KIAA1549L: variants seen among roughly 807,000 people sequenced by gnomAD.
KIAA1549L encodes KIAA1549 like.
In KIAA1549L, 88 loss-of-function variants were observed where a neutral mutation model predicts 160.7. That is an observed-to-expected ratio of 0.55 (90% CI 0.46 to 0.65). The LOEUF (loss-of-function observed/expected upper bound fraction) is 0.65. Ranked by LOEUF, KIAA1549L falls within the 30% of genes least tolerant of loss-of-function variation. The pLI is 0.00. For missense variants in KIAA1549L, 2,258 were observed against 2,437.5 expected, an observed-to-expected ratio of 0.93 and a Z score of 1.55; for synonymous variants, 950 against 976.7, an observed-to-expected ratio of 0.97 and a Z score of 0.51.
chr11:33,570,131 A>G (rs991606699), intron 9 of KIAA1549L, among the ~76,000 whole-genome samples: 3 of 151,688 alleles, frequency 2.0e-5, no homozygotes, highest in Admixed American at 1.3e-4. Flanking sequence ...AGCCTCCCGA[A>G]TAGCTGGGAT....
At chr11:33,436,491 C>A (rs1325084786) in intron 1 of KIAA1549L, among the ~76,000 whole-genome samples, 1 of 152,218 alleles carries the variant, frequency 6.6e-6, no homozygotes, top group Non-Finnish European at 1.5e-5. Context: ...TGGGGGAGGG[C>A]AGTCTGCTTT....
In KIAA1549L at chr11:33,432,611, AT is replaced by A. The variant is rs548141696; in HGVS notation, c.238+55723del. Among the ~76,000 whole-genome samples, 9 of 152,290 alleles carry A rather than the reference AT, an allele frequency of 5.9e-5. No homozygotes were observed. In the South Asian group the frequency reaches 1.9e-3, roughly 32 times the overall value. ...CATGATCTAAACTGAAGACAAAAAT[AT>A]GGGCATTCTTCAAGACAATTCTAAG... On this transcript the variant is annotated intron_variant, in intron 1 of 20. Coordinates refer to ENST00000658780, the MANE Select transcript of KIAA1549L (RefSeq NM_012194.3).
chr11:33,431,745 C>T (rs1851248649), intron 1 of KIAA1549L, among the ~76,000 whole-genome samples: 1 of 152,256 alleles, frequency 6.6e-6, no homozygotes, highest in South Asian at 2.1e-4. Flanking sequence ...TGTGCACCTG[C>T]ACTTCTCAGC....
chr11:33,499,550 G>C (rs763290695), intron 1 of KIAA1549L, among the ~76,000 whole-genome samples: 9 of 152,182 alleles, frequency 5.9e-5, no homozygotes, highest in Non-Finnish European at 1.3e-4. Flanking sequence ...TGGGTGAATA[G>C]AATGGTATAT....
intron 1 of KIAA1549L, among the ~76,000 whole-genome samples, chr11:33,475,695 C>CAAA (rs11376263): frequency 0.024 from 3,327 of 139,590 alleles, 123 homozygotes; most frequent in African/African-American, 0.082. Context: ...CTCGCTCTCT[C>CAAA]AAAAAAAAAA....
intron 11 of KIAA1549L, among the ~76,000 whole-genome samples, chr11:33,586,522 C>T (rs1479435543): frequency 2.0e-5 from 3 of 152,128 alleles, no homozygotes. Context: ...GATGTACAGC[C>T]ATTTTTCTAG....
intron 1 of KIAA1549L, among the ~76,000 whole-genome samples, chr11:33,512,646 C>G (rs1434867097): frequency 6.6e-6 from 1 of 152,138 alleles, no homozygotes; most frequent in African/African-American, 2.4e-5. Flanking sequence ...GTCTCCAACT[C>G]CTGGGCTCAA....
chr11:33,407,081 A>ATTTTTTTTTTT (rs750670251), intron 1 of KIAA1549L, among the ~76,000 whole-genome samples: 1 of 100,134 alleles, frequency 1.0e-5, no homozygotes, highest in East Asian at 3.2e-4. Context: ...TTCTTTTTTC[A>ATTTTTTTTTTT]TTTTTTTTTT....
At chr11:33,404,388 G>A (rs1240178401) in intron 1 of KIAA1549L, among the ~76,000 whole-genome samples, 3 of 152,058 alleles carry the variant, frequency 2.0e-5, no homozygotes, top group African/African-American at 7.2e-5. Flanking sequence ...GCCAGGCGTG[G>A]TGGCAGGCGC....
chr11:33,490,649 T>C (rs145810858), intron 1 of KIAA1549L, among the ~76,000 whole-genome samples: 85 of 152,274 alleles, frequency 5.6e-4, no homozygotes, highest in African/African-American at 2.0e-3. Context: ...TACATCCCTA[T>C]AAATTAAAAC....
chr11:33,496,066 A>G lies in KIAA1549L; in HGVS notation c.239-45736A>G, dbSNP rs1364978113. Among the ~76,000 whole-genome samples, 11 of 152,268 alleles carry G rather than the reference A, an allele frequency of 7.2e-5. No homozygotes were observed. The East Asian group carries it at 2.1e-3, about 29-fold the overall frequency. Reference sequence around the variant, plus strand: ...CAACCTCTGCCTCCTGGGTTCAAGCAGTTATCCCTGCCTCAGCCTCCCGAG... The same window carrying G: ...CAACCTCTGCCTCCTGGGTTCAAGCGGTTATCCCTGCCTCAGCCTCCCGAG... On this transcript the variant is annotated intron_variant, in intron 1 of 20. Transcript: ENST00000658780.
chr11:33,399,008 A>G (rs1291971278), intron 1 of KIAA1549L, among the ~76,000 whole-genome samples: 2 of 147,756 alleles, frequency 1.4e-5, no homozygotes, highest in Non-Finnish European at 3.0e-5. Context: ...GCTGGAGTTC[A>G]GTGGCACAAT....
At chr11:33,402,328 C>T (rs951403560) in intron 1 of KIAA1549L, among the ~76,000 whole-genome samples, 1 of 152,186 alleles carries the variant, frequency 6.6e-6, no homozygotes, top group Admixed American at 6.5e-5. Flanking sequence ...CTGATTGGTC[C>T]TGTCAGTTCT....
At chr11:33,634,619 C>G (rs943881768) in intron 16 of KIAA1549L, among the ~76,000 whole-genome samples, 8 of 152,176 alleles carry the variant, frequency 5.3e-5, no homozygotes, top group Admixed American at 5.2e-4. Context: ...GAGCTGGCAC[C>G]TAAGACTTCT....
chr11:33,503,544 C>T (rs1853003705), intron 1 of KIAA1549L, among the ~76,000 whole-genome samples: 1 of 152,316 alleles, frequency 6.6e-6, no homozygotes, highest in African/African-American at 2.4e-5. Context: ...AGTTCTCCTT[C>T]CTTTTCCCTT....
chr11:33,413,615 C>T (rs1314263515), intron 1 of KIAA1549L, among the ~76,000 whole-genome samples: 1 of 151,870 alleles, frequency 6.6e-6, no homozygotes, highest in African/African-American at 2.4e-5. Context: ...TGACTTTGGT[C>T]TGTTTTATTT....
chr11:33,504,165 GCAGGAGA>G (rs1853022785), intron 1 of KIAA1549L, among the ~76,000 whole-genome samples: 2 of 152,108 alleles, frequency 1.3e-5, no homozygotes, highest in African/African-American at 4.8e-5. Context: ...GGAGGCTGAG[GCAGGAGA>G]ATTGCTCGAA....
chr11:33,494,023 G>A lies in KIAA1549L; in HGVS notation c.239-47779G>A, dbSNP rs77521639. Among the ~76,000 whole-genome samples the A allele has an allele frequency of 9.8e-4, 149 of 152,284 alleles. 1 individual carries two copies. Among genetic ancestry groups the A allele is most frequent in the African/African-American group, 3.5e-3 (145 of 41,552 alleles). ...AAATCTCCCTTGGTGATTCCAGTGT[G>A]CAAGAAGGGTAGGACCACTGCCAGA... On this transcript the variant is annotated intron_variant, in intron 1 of 20. Coordinates refer to ENST00000658780, the MANE Select transcript of KIAA1549L (RefSeq NM_012194.3).
chr11:33,523,670 T>C (rs556917646), intron 1 of KIAA1549L, among the ~76,000 whole-genome samples: 82 of 152,340 alleles, frequency 5.4e-4, no homozygotes, highest in African/African-American at 1.9e-3. Context: ...CGTAGGATCT[T>C]ACTACTGGGT....
Sources: allele counts gnomAD v4.1 joint callset (sites outside exome capture counted in the v4.1 genomes callset), GRCh38; gene constraint gnomAD v4.1.1; transcripts MANE v1.5; gene names NCBI Gene and HGNC (gene_info 2026-07-23, HGNC 2026-07-21).